Variants in CEP78 observed in about 807,000 individuals in gnomAD.
CEP78 encodes the protein centrosomal protein 78.
CEP78 carries 76 observed loss-of-function variants against 81.2 expected under a neutral mutation model. The ratio of observed to expected loss-of-function variants is 0.94; its 90% CI spans 0.78 to 1.13. CEP78 has a LOEUF of 1.13. CEP78 is among the 50% of genes most tolerant of loss of function. The pLI, the probability that CEP78 is intolerant of heterozygous loss-of-function variation, is 0.00. For missense variants in CEP78, 918 were observed against 846.8 expected, an observed-to-expected ratio of 1.08 and a Z score of -1.04; for synonymous variants, 293 against 301.4, an observed-to-expected ratio of 0.97 and a Z score of 0.29.
In CEP78 at chr9:78,248,346, C is replaced by T. The variant is rs373178951; in HGVS notation, c.948C>T (p.Ala316=). 153 of 1,565,040 alleles carry T rather than the reference C, an allele frequency of 9.8e-5. No homozygotes were observed. Among genetic ancestry groups the T allele is most frequent in the Admixed American group, 5.0e-5 (3 of 59,910 alleles). ...IKKVLQNGRS[A]KSEYQWITSP... is the part of the protein sequence containing the mutation. Reference sequence around the variant, plus strand: ...AAGTCCTCCAGAATGGAAGGAGTGCCAAATCAGAGGTATATCATGTTTTAT... The same window carrying T: ...AAGTCCTCCAGAATGGAAGGAGTGCTAAATCAGAGGTATATCATGTTTTAT... The change falls in exon 7 of 17, where the codon GCC becomes GCT. Residue 316 remains alanine, a synonymous_variant. Transcript: ENST00000643273.
Position 78,254,859 on chromosome 9 carries a change from G to T in CEP78, c.1275G>T (p.Val425=). Residue 425 remains valine, a synonymous_variant, in exon 11 of 17, where the codon GTG becomes GTT. Coordinates refer to ENST00000643273, the MANE Select transcript of CEP78 (RefSeq NM_001330691.3). ...QLQQPGFPVT[V]TVESPSSSEV... Reference sequence around the variant, plus strand: ...AGCAACCAGGTTTTCCTGTGACTGTGACAGTAGAGAGTCCTTCATCCTCTG... The same window carrying T: ...AGCAACCAGGTTTTCCTGTGACTGTTACAGTAGAGAGTCCTTCATCCTCTG... 6.2e-7 allele frequency: 1 copy of T among 1,611,076 alleles called. No individual in the cohort carries two copies. The highest frequency in any genetic ancestry group is 1.1e-5 in the South Asian group (1 of 90,804).
At chr9:78,243,320 A>G (rs906320999) in intron 4 of CEP78, 142 bp from the exon 5 acceptor site, 3 of 571,840 alleles carry the variant, frequency 5.2e-6, no homozygotes, top group African/African-American at 3.9e-5. Flanking sequence ...CTACTATTTA[A>G]TCAGTCTGTC....
chr9:78,240,209 C>T lies in CEP78; in HGVS notation c.426+14C>T. The T allele has an allele frequency of 1.9e-6, 3 of 1,611,634 alleles. No individual in the cohort carries two copies. The highest frequency in any genetic ancestry group is 1.1e-5 in the South Asian group (1 of 90,858). On this transcript the variant is annotated intron_variant, in intron 2 of 16. Transcript: ENST00000643273. ...ATTCTAGCAAAGGTAAGCTTTGTCT[C>T]ATTTGGCTTGTAGACATTTGATAGT...
Position 78,246,760 on chromosome 9 carries a change from T to C in CEP78, c.870T>C (p.Asp290=), listed in dbSNP as rs746297934. The C allele has an allele frequency of 2.5e-6, 4 of 1,599,126 alleles. No homozygotes were observed. Among genetic ancestry groups the C allele is most frequent in the Non-Finnish European group, 3.4e-6 (4 of 1,173,632 alleles). Residue 290 remains aspartate, a synonymous_variant, in exon 6 of 17, where the codon GAT becomes GAC. Transcript: ENST00000643273. ...LETNTTLVVL[D]IRKNPLIDHS... ...CCAATACAACTCTGGTCGTTCTGGA[T>C]ATAAGAAAAAATCCACTCATTGGTA...
At chr9:78,240,484 C>A in intron 3 of CEP78, 120 bp downstream of exon 3, 1 of 831,604 alleles carries the variant, frequency 1.2e-6, no homozygotes, top group Non-Finnish European at 2.0e-6. Flanking sequence ...TTGTTCAAAC[C>A]TTGGTCCAGT....
At position 78,265,574 on chromosome 9, in the gene CEP78, T is replaced by C. The variant is rs769598201; in HGVS notation, c.1797+31T>C. On this transcript the variant is annotated intron_variant, in intron 14 of 16. Coordinates refer to ENST00000643273, the MANE Select transcript of CEP78 (RefSeq NM_001330691.3). ...TGAATAGAACAGAACTTAGTGATTC[T>C]ACAAGTGATTAGCAAAAAAGGGAAT... 6.6e-6 allele frequency: 10 copies of C among 1,522,858 alleles called. No individual in the cohort carries two copies. In the South Asian group the frequency reaches 1.0e-4, roughly 15 times the overall value. 94.3% of individuals were successfully genotyped at this position (1,522,858 alleles called of 1,614,324 possible).
At chr9:78,238,425 A>T (rs1191254012) in intron 1 of CEP78, among the ~76,000 whole-genome samples, 2 of 152,188 alleles carry the variant, frequency 1.3e-5, no homozygotes, top group African/African-American at 4.8e-5. Flanking sequence ...ATTTGAAGGC[A>T]TGGGAGGGAC....
Position 78,253,257 on chromosome 9 carries a change from G to T in CEP78, c.1231G>T (p.Asp411Tyr). 1 of 1,385,554 alleles carries T rather than the reference G, an allele frequency of 7.2e-7. No homozygotes were observed. 85.8% of individuals were successfully genotyped at this position (1,385,554 alleles called of 1,614,324 possible). A position where few individuals can be genotyped will look rare whatever the true frequency, so the allele number is the denominator to read the frequency against. ...HRGFPLIKTR[D>Y]ICNQLQQPGF... ...GGGTTTCCCATTAATCAAAACACGT[G>T]ATATATGTAATCAGTTGCAGGTACG... The change falls in exon 10 of 17, where the codon GAT becomes TAT. Residue 411 changes from aspartate to tyrosine, a missense_variant. Asp to Tyr is a radical substitution (Grantham distance 160, BLOSUM62 -3). Coordinates refer to ENST00000643273, the MANE Select transcript of CEP78 (RefSeq NM_001330691.3).
chr9:78,240,127 A>G lies in CEP78; in HGVS notation c.358A>G (p.Ser120Gly), dbSNP rs1826154642. The G allele has an allele frequency of 6.3e-7, 1 of 1,589,052 alleles. No individual in the cohort carries two copies. Among genetic ancestry groups the G allele is most frequent in the South Asian group, 1.2e-5 (1 of 86,332 alleles). The stretch of plus-strand genomic sequence containing the variant: ...TCTTAAAGGCTGTTTAAGTATATCA[A>G]GTGTGCTAAAGAACCTGGAGCTAAA... ...KALKGCLSIS[S>G]VLKNLELNGL... is the part of the protein sequence containing the mutation. The change falls in exon 2 of 17, where the codon AGT becomes GGT. Residue 120 changes from serine to glycine, a missense_variant. By Grantham distance (56) the Ser-to-Gly change is moderately conservative. Coordinates refer to ENST00000643273, the MANE Select transcript of CEP78 (RefSeq NM_001330691.3).
In CEP78 at chr9:78,273,949, A is replaced by G. The variant is rs1290467376; in HGVS notation, c.*3098A>G. ...ACTGGAGTTCCTCACAGCTGGTAGGAATGCAAAATGACTCAGTCACTCAAA... is the reference window on the plus strand; with the variant it reads ...ACTGGAGTTCCTCACAGCTGGTAGGGATGCAAAATGACTCAGTCACTCAAA... On this transcript the variant is annotated 3_prime_UTR_variant, in exon 17 of 17. Transcript: ENST00000643273. 2 of 152,268 alleles carry G rather than the reference A, an allele frequency of 1.3e-5. No individual in the cohort carries two copies. The highest frequency in any genetic ancestry group is 1.3e-4 in the Admixed American group (2 of 15,290). 9.4% of individuals were successfully genotyped at this position (152,268 alleles called of 1,614,324 possible). A position where few individuals can be genotyped will look rare whatever the true frequency, so the allele number is the denominator to read the frequency against.
chr9:78,244,651 T>G (rs114937824), intron 5 of CEP78, among the ~76,000 whole-genome samples: 4 of 152,296 alleles, frequency 2.6e-5, no homozygotes, highest in African/African-American at 7.2e-5. Context: ...TCTCTGAATT[T>G]TACAGCTTTT....
rs1375809997 is a variant in CEP78, at chr9:78,243,614, CAGTG to C, written c.759_762del (p.Ser253ArgfsTer5). On this transcript the variant is annotated frameshift_variant, in exon 5 of 17. Transcript: ENST00000643273. LOFTEE classifies it high-confidence loss of function. ...GTGCATGTGCTTTTGCAGACTCTCT[CAGTG>C]AGGATTTATGGCTGAGAGGTAAGTT... is the stretch of plus-strand genomic sequence containing the variant. 1 of 1,613,352 alleles carries C rather than the reference CAGTG, an allele frequency of 6.2e-7. No individual in the cohort carries two copies. The highest frequency in any genetic ancestry group is 1.7e-5 in the Admixed American group (1 of 59,918).
rs1482932207 is a variant in CEP78 at position 78,240,374 on chromosome 9, A to G, written c.499+10A>G. ...GATGGAGGTTTAGAAAGTGAGTTTA[A>G]ATCTCATTTAACTCTTGTCCTATCA... is the stretch of plus-strand genomic sequence containing the variant. On this transcript the variant is annotated intron_variant, in intron 3 of 16. Coordinates refer to ENST00000643273, the MANE Select transcript of CEP78 (RefSeq NM_001330691.3). 1 of 1,559,640 alleles carries G rather than the reference A, an allele frequency of 6.4e-7. No homozygotes were observed. The highest frequency in any genetic ancestry group is 1.9e-5 in the Admixed American group (1 of 52,400).
intron 7 of CEP78, 32 bp from the exon 8 acceptor site, chr9:78,248,730 C>G (rs1189984297): frequency 8.9e-7 from 1 of 1,117,614 alleles, no homozygotes. Context: ...TGATCTGTAA[C>G]TGAAATATAG....
intron 1 of CEP78, among the ~76,000 whole-genome samples, chr9:78,237,955 C>CAAAAAAA (rs557546978): frequency 2.8e-5 from 3 of 106,084 alleles, no homozygotes; most frequent in Middle Eastern, 6.1e-3. Flanking sequence ...ACTAAAAATA[C>CAAAAAAA]AAAAAAAAAA....
chr9:78,250,697 C>T, intron 8 of CEP78, among the ~76,000 whole-genome samples: 1 of 150,622 alleles, frequency 6.6e-6, no homozygotes, highest in Admixed American at 6.6e-5. Context: ...TAAGATTGTG[C>T]CACTGCACTC....
At chr9:78,257,300 C>T (rs994069644) in intron 11 of CEP78, among the ~76,000 whole-genome samples, 16 of 152,258 alleles carry the variant, frequency 1.1e-4, no homozygotes, top group African/African-American at 3.9e-4. Flanking sequence ...AAGATACCTC[C>T]AAAGTTTTAA....
chr9:78,254,849 C>T lies in CEP78; in HGVS notation c.1265C>T (p.Pro422Leu), dbSNP rs976530013. ...ICNQLQQPGF[P>L]VTVTVESPSS... Reference sequence around the variant, plus strand: ...TCTTTTTTTAAGCAACCAGGTTTTCCTGTGACTGTGACAGTAGAGAGTCCT... The same window carrying T: ...TCTTTTTTTAAGCAACCAGGTTTTCTTGTGACTGTGACAGTAGAGAGTCCT... The change falls in exon 11 of 17, where the codon CCT becomes CTT. Residue 422 changes from proline to leucine, a missense_variant. Transcript: ENST00000643273. 2.5e-6 allele frequency: 4 copies of T among 1,608,278 alleles called. No individual in the cohort carries two copies. The highest frequency in any genetic ancestry group is 3.4e-5 in the Admixed American group (2 of 59,382).
intron 11 of CEP78, among the ~76,000 whole-genome samples, chr9:78,260,929 T>C (rs964896175): frequency 1.3e-5 from 2 of 151,994 alleles, no homozygotes; most frequent in African/African-American, 4.8e-5. Flanking sequence ...TTATGAACTT[T>C]TGCGTTGGAG....
Sources: allele counts gnomAD v4.1 joint callset (sites outside exome capture counted in the v4.1 genomes callset), GRCh38; gene constraint gnomAD v4.1.1; transcripts MANE v1.5; gene names NCBI Gene and HGNC (gene_info 2026-07-23, HGNC 2026-07-21).